Variants in CNTNAP5 observed in about 807,000 individuals in gnomAD.
CNTNAP5 encodes the protein contactin associated protein family member 5.
CNTNAP5 carries 72 observed loss-of-function variants against 150.2 expected under a neutral mutation model. That is an observed-to-expected ratio of 0.48 (90% CI 0.40 to 0.58). The LOEUF (loss-of-function observed/expected upper bound fraction) is 0.58, where lower values mean the gene tolerates loss of function less well. CNTNAP5 is among the 20% of genes least tolerant of loss of function. The pLI is 0.00. For synonymous variants in CNTNAP5, 672 were observed against 619.8 expected (o/e 1.08, Z -1.25); for missense variants, 1,636 against 1,626.2 (o/e 1.01, Z -0.10).
Position 124,789,955 on chromosome 2 carries a change from T to G in CNTNAP5, c.2806T>G (p.Leu936Val). The G allele has an allele frequency of 6.2e-7, 1 of 1,613,852 alleles. No homozygotes were observed. Among genetic ancestry groups the G allele is most frequent in the Non-Finnish European group, 8.5e-7 (1 of 1,179,830 alleles). ...CCTAGGATGCATTCGCTCCTTACACTTGAATGGACAGAAAATGGACCTGGA... is the reference window on the plus strand; with the variant it reads ...CCTAGGATGCATTCGCTCCTTACACGTGAATGGACAGAAAATGGACCTGGA... ...GFLGCIRSLH[L>V]NGQKMDLEER... The change falls in exon 18 of 24, where the codon TTG becomes GTG. Residue 936 changes from leucine to valine, a missense_variant. Physicochemically the swap from Leu to Val is conservative, Grantham distance 32 (BLOSUM62 1). Transcript: ENST00000682447.
intron 19 of CNTNAP5, among the ~76,000 whole-genome samples, chr2:124,846,683 C>G (rs575868283): frequency 6.6e-6 from 1 of 152,080 alleles, no homozygotes; most frequent in African/African-American, 2.4e-5. Flanking sequence ...TTACTGATTC[C>G]TTCTCATTTG....
intron 19 of CNTNAP5, among the ~76,000 whole-genome samples, chr2:124,841,055 C>T (rs1682934738): frequency 6.6e-6 from 1 of 152,104 alleles, no homozygotes; most frequent in African/African-American, 2.4e-5. Flanking sequence ...TTATTAAATG[C>T]AGTGTGGCTC....
At chr2:124,057,854 G>A (rs1681897664) in intron 1 of CNTNAP5, among the ~76,000 whole-genome samples, 1 of 152,070 alleles carries the variant, frequency 6.6e-6, no homozygotes, top group South Asian at 2.1e-4. Context: ...AAGGAGAAAT[G>A]CTTGAGGGGG....
chr2:124,102,901 T>C (rs1257102240), intron 1 of CNTNAP5, among the ~76,000 whole-genome samples: 1 of 152,232 alleles, frequency 6.6e-6, no homozygotes, highest in East Asian at 1.9e-4. Context: ...GTGTGGCTCT[T>C]ATTTATCCAC....
At chr2:124,085,741 G>T (rs1443816390) in intron 1 of CNTNAP5, among the ~76,000 whole-genome samples, 1 of 152,108 alleles carries the variant, frequency 6.6e-6, no homozygotes, top group Non-Finnish European at 1.5e-5. Flanking sequence ...TATTACACCT[G>T]AGCCTTCATG....
intron 3 of CNTNAP5, among the ~76,000 whole-genome samples, chr2:124,337,382 A>T (rs1475650560): frequency 9.2e-5 from 14 of 152,100 alleles, no homozygotes; most frequent in Admixed American, 9.2e-4. Flanking sequence ...GTTTAATTAG[A>T]TCCCATTTGT....
At chr2:124,511,835 T>C (rs1027158721) in intron 8 of CNTNAP5, among the ~76,000 whole-genome samples, 1 of 152,074 alleles carries the variant, frequency 6.6e-6, no homozygotes, top group Non-Finnish European at 1.5e-5. Flanking sequence ...ATGAATTTTG[T>C]GGATGAGTTG....
intron 3 of CNTNAP5, among the ~76,000 whole-genome samples, chr2:124,331,346 C>A (rs1199115292): frequency 6.6e-6 from 1 of 151,992 alleles, no homozygotes; most frequent in East Asian, 1.9e-4. Context: ...TATACCATGA[C>A]ATATCAGATA....
intron 1 of CNTNAP5, among the ~76,000 whole-genome samples, chr2:124,051,274 G>T (rs536228155): frequency 6.6e-6 from 1 of 152,244 alleles, no homozygotes; most frequent in African/African-American, 2.4e-5. Context: ...GTGGTCTAAG[G>T]TTTGCTTGTT....
intron 5 of CNTNAP5, among the ~76,000 whole-genome samples, chr2:124,438,456 G>A (rs1692591131): frequency 6.6e-6 from 1 of 152,102 alleles, no homozygotes; most frequent in South Asian, 2.1e-4. Flanking sequence ...ATCCTTATAA[G>A]AGCCCAGTGC....
chr2:124,442,052 T>A (rs1290516165), intron 5 of CNTNAP5, among the ~76,000 whole-genome samples: 1 of 152,182 alleles, frequency 6.6e-6, no homozygotes, highest in African/African-American at 2.4e-5. Context: ...GTAGTCACTA[T>A]TTAAGAAGAA....
intron 14 of CNTNAP5, among the ~76,000 whole-genome samples, chr2:124,758,738 G>A (rs1031161044): frequency 6.6e-6 from 1 of 152,042 alleles, no homozygotes; most frequent in African/African-American, 2.4e-5. Context: ...ACTACAGCAT[G>A]CAAGCAGAAA....
chr2:124,233,785 TTA>T (rs375601691), intron 2 of CNTNAP5, among the ~76,000 whole-genome samples: 27,720 of 147,084 alleles, frequency 0.19, 2,880 homozygotes, highest in East Asian at 0.37. Flanking sequence ...GCCTGTGAGT[TTA>T]TATATATATA....
intron 3 of CNTNAP5, among the ~76,000 whole-genome samples, chr2:124,296,273 G>C (rs1688429731): frequency 1.3e-5 from 2 of 152,154 alleles, no homozygotes. Context: ...GTGATTGGGT[G>C]GCCATTCACC....
At chr2:124,575,074 C>T (rs377007388) in intron 11 of CNTNAP5, among the ~76,000 whole-genome samples, 5 of 151,810 alleles carry the variant, frequency 3.3e-5, no homozygotes, top group African/African-American at 1.2e-4. Context: ...TCATTTTTTT[C>T]CCACTGCAAC....
At chr2:124,874,440 A>C (rs1677812635) in intron 21 of CNTNAP5, among the ~76,000 whole-genome samples, 2 of 152,116 alleles carry the variant, frequency 1.3e-5, no homozygotes, top group African/African-American at 4.8e-5. Flanking sequence ...TGGCCCTGTC[A>C]CAAGAGCGTA....
intron 10 of CNTNAP5, among the ~76,000 whole-genome samples, chr2:124,533,613 CT>C (rs1398199149): frequency 6.6e-6 from 1 of 152,156 alleles, no homozygotes; most frequent in Non-Finnish European, 1.5e-5. Flanking sequence ...TTGCAGCTCC[CT>C]CAAAGTCCCA....
chr2:124,071,575 G>A (rs1462006375), intron 1 of CNTNAP5, among the ~76,000 whole-genome samples: 1 of 151,846 alleles, frequency 6.6e-6, no homozygotes, highest in African/African-American at 2.4e-5. Flanking sequence ...TGAGCATTAT[G>A]AGTGACTATA....
intron 11 of CNTNAP5, among the ~76,000 whole-genome samples, chr2:124,582,081 T>G (rs1382115732): frequency 6.6e-6 from 1 of 152,222 alleles, no homozygotes; most frequent in Non-Finnish European, 1.5e-5. Context: ...CCAAGTGATC[T>G]GGAAAGACTA....
Sources: allele counts gnomAD v4.1 joint callset (sites outside exome capture counted in the v4.1 genomes callset), GRCh38; gene constraint gnomAD v4.1.1; transcripts MANE v1.5; gene names NCBI Gene and HGNC (gene_info 2026-07-23, HGNC 2026-07-21).